The following DLG2 variants were observed in gnomAD, a reference collection of about 807,000 sequenced individuals.
DLG2 encodes discs large MAGUK scaffold protein 2.
In DLG2, 45 loss-of-function variants were observed where a neutral mutation model predicts 132.5. The observed-to-expected ratio is 0.34, with a 90% confidence interval of 0.27 to 0.44. DLG2 has a LOEUF of 0.44. DLG2 is among the 20% of genes least tolerant of loss of function. The pLI is 1.00. For missense variants in DLG2, 1,045 were observed against 1,196.9 expected, an observed-to-expected ratio of 0.87 and a Z score of 1.87; for synonymous variants, 424 against 419.6, an observed-to-expected ratio of 1.01 and a Z score of -0.13.
At chr11:83,485,693 C>A (rs1032398595) in intron 21 of DLG2, among the ~76,000 whole-genome samples, 2 of 152,142 alleles carry the variant, frequency 1.3e-5, no homozygotes, top group Non-Finnish European at 2.9e-5. Context: ...TGTCCCATTG[C>A]TGGGAATGAG....
chr11:85,343,213 A>T (rs2082614632), intron 3 of DLG2, among the ~76,000 whole-genome samples: 1 of 152,128 alleles, frequency 6.6e-6, no homozygotes. Flanking sequence ...GTGTTCTTTT[A>T]ACCCAACACA....
intron 3 of DLG2, among the ~76,000 whole-genome samples, chr11:85,325,631 T>C (rs2081411798): frequency 9.9e-6 from 1 of 100,778 alleles, no homozygotes. Context: ...TACATCACCA[T>C]CATCAAAGAC....
intron 6 of DLG2, among the ~76,000 whole-genome samples, chr11:85,083,980 A>AT (rs1264619677): frequency 1.3e-5 from 2 of 152,054 alleles, no homozygotes; most frequent in African/African-American, 4.8e-5. Context: ...GTTGGTTGGG[A>AT]GGGGGCTTGG....
intron 5 of DLG2, among the ~76,000 whole-genome samples, chr11:85,141,337 A>G (rs898846633): frequency 1.3e-5 from 2 of 151,832 alleles, no homozygotes; most frequent in African/African-American, 2.4e-5. Context: ...AGTATTTTTC[A>G]TATATCTATT....
intron 7 of DLG2, among the ~76,000 whole-genome samples, chr11:84,266,522 A>G (rs1479575712): frequency 6.6e-6 from 1 of 152,224 alleles, no homozygotes; most frequent in Non-Finnish European, 1.5e-5. Context: ...GTATTACTAA[A>G]CAGAAATGCA....
At chr11:84,512,452 A>G (rs1445113708) in intron 7 of DLG2, among the ~76,000 whole-genome samples, 1 of 152,152 alleles carries the variant, frequency 6.6e-6, no homozygotes, top group African/African-American at 2.4e-5. Context: ...CCACTTTCTT[A>G]TCTTACTTAT....
At chr11:84,502,904 T>C (rs918644763) in intron 7 of DLG2, among the ~76,000 whole-genome samples, 2 of 152,190 alleles carry the variant, frequency 1.3e-5, no homozygotes, top group African/African-American at 2.4e-5. Context: ...TCATCACTCA[T>C]ATTTCCAGAG....
intron 11 of DLG2, among the ~76,000 whole-genome samples, chr11:84,027,589 T>G (rs1022813296): frequency 4.6e-5 from 7 of 152,084 alleles, no homozygotes; most frequent in African/African-American, 1.7e-4. Context: ...ATGAAAGTGT[T>G]ATAAACATAT....
intron 18 of DLG2, among the ~76,000 whole-genome samples, chr11:83,689,334 G>A (rs535625040): frequency 7.2e-5 from 11 of 152,246 alleles, no homozygotes; most frequent in African/African-American, 2.4e-4. Context: ...CTCTGGAGGA[G>A]TGAAATTTTA....
At chr11:83,929,820 GT>G (rs543448902) in intron 15 of DLG2, among the ~76,000 whole-genome samples, 1 of 152,096 alleles carries the variant, frequency 6.6e-6, no homozygotes, top group Non-Finnish European at 1.5e-5. Flanking sequence ...TAATCCTGTA[GT>G]TTTGGACAAG....
At chr11:84,753,845 G>C (rs1484757062) in intron 6 of DLG2, among the ~76,000 whole-genome samples, 1 of 152,124 alleles carries the variant, frequency 6.6e-6, no homozygotes, top group Non-Finnish European at 1.5e-5. Flanking sequence ...AGCAATATAG[G>C]CACTAAATCA....
intron 6 of DLG2, among the ~76,000 whole-genome samples, chr11:84,536,682 A>G (rs2099356315): frequency 1.3e-5 from 2 of 152,208 alleles, no homozygotes; most frequent in Non-Finnish European, 2.9e-5. Context: ...TCATAAAGGC[A>G]CTACCATCTA....
intron 7 of DLG2, among the ~76,000 whole-genome samples, chr11:84,426,029 G>A (rs571177881): frequency 1.3e-5 from 2 of 152,082 alleles, no homozygotes; most frequent in East Asian, 3.9e-4. Context: ...TTATATAACT[G>A]AAAATTTCAT....
chr11:84,941,565 TGAGA>T (rs950285799), intron 6 of DLG2, among the ~76,000 whole-genome samples: 1 of 152,146 alleles, frequency 6.6e-6, no homozygotes, highest in African/African-American at 2.4e-5. Flanking sequence ...CTTGTATCCC[TGAGA>T]TAGATCCCCC....
At chr11:83,472,609 A>G (rs1444312508) in intron 23 of DLG2, 118 bp downstream of exon 23, 2 of 841,336 alleles carry the variant, frequency 2.4e-6, no homozygotes, top group Admixed American at 2.4e-5. Flanking sequence ...GTACGGTCTC[A>G]AGACAACAGA....
At chr11:85,568,517 G>C (rs569358928) in intron 3 of DLG2, among the ~76,000 whole-genome samples, 1 of 152,206 alleles carries the variant, frequency 6.6e-6, no homozygotes, top group Non-Finnish European at 1.5e-5. Context: ...TAAACATTTG[G>C]TAGAATTCAC....
At chr11:85,523,600 G>A (rs971581051) in intron 3 of DLG2, among the ~76,000 whole-genome samples, 10 of 152,184 alleles carry the variant, frequency 6.6e-5, no homozygotes, top group Non-Finnish European at 1.5e-4. Flanking sequence ...TGAGGATGTA[G>A]AGAAAAGGGA....
At chr11:84,142,735 A>G (rs1184229820) in intron 9 of DLG2, among the ~76,000 whole-genome samples, 1 of 152,120 alleles carries the variant, frequency 6.6e-6, no homozygotes, top group Non-Finnish European at 1.5e-5. Flanking sequence ...TTGGAACATC[A>G]GAGCTCCAGG....
chr11:83,595,527 T>A (rs2057421841), intron 19 of DLG2, among the ~76,000 whole-genome samples: 1 of 152,252 alleles, frequency 6.6e-6, no homozygotes, highest in South Asian at 2.1e-4. Flanking sequence ...ACTGCACAAG[T>A]GGCTCTGTGA....
Sources: allele counts gnomAD v4.1 joint callset (sites outside exome capture counted in the v4.1 genomes callset), GRCh38; gene constraint gnomAD v4.1.1; transcripts MANE v1.5; gene names NCBI Gene and HGNC (gene_info 2026-07-23, HGNC 2026-07-21).